N4BP2: variants seen among roughly 807,000 people sequenced by gnomAD.
N4BP2 encodes the protein NEDD4-binding protein 2.
N4BP2 carries 91 observed loss-of-function variants against 152.8 expected under a neutral mutation model. The observed-to-expected ratio is 0.60, with a 90% CI of 0.50 to 0.71. The LOEUF (loss-of-function observed/expected upper bound fraction) is 0.71. N4BP2 is among the 30% of genes least tolerant of loss of function. N4BP2 has a pLI of 0.00. For missense variants in N4BP2, 1,923 were observed against 2,059.1 expected, an observed-to-expected ratio of 0.93 and a Z score of 1.28; for synonymous variants, 646 against 705.3, an observed-to-expected ratio of 0.92 and a Z score of 1.33.
intron 2 of N4BP2, among the ~76,000 whole-genome samples, chr4:40,076,779 C>T (rs1425052685): frequency 2.0e-5 from 3 of 152,102 alleles, no homozygotes; most frequent in Non-Finnish European, 4.4e-5. Context: ...TGAGCCACCA[C>T]ACCCGGCCCA....
At chr4:40,089,074 C>T (rs1714277803) in intron 2 of N4BP2, among the ~76,000 whole-genome samples, 1 of 152,042 alleles carries the variant, frequency 6.6e-6, no homozygotes, top group Admixed American at 6.6e-5. Context: ...CCTTAGGCTC[C>T]TGAGTAACTG....
At chr4:40,104,529 TAATAAC>T (rs1355310184) in intron 4 of N4BP2, among the ~76,000 whole-genome samples, 2 of 152,162 alleles carry the variant, frequency 1.3e-5, no homozygotes, top group East Asian at 3.9e-4. Context: ...CTAACTGACT[TAATAAC>T]AACAACAACA....
chr4:40,126,304 A>G lies in N4BP2; in HGVS notation c.4501A>G (p.Ile1501Val). The change falls in exon 12 of 18, where the codon ATT (isoleucine) becomes GTT (valine). Residue 1501 changes from isoleucine (I) to valine (V), a missense_variant. By Grantham distance (29) the Ile-to-Val change is conservative. Coordinates refer to ENST00000261435, the MANE Select transcript of N4BP2 (RefSeq NM_018177.6). ...ACTCAGAGAAATAATGTCAGAAGAA[A>G]TTGCCTTACAGGAAAAACATAATTT... ...VSLREIMSEE[I>V]ALQEKHNLKR... 2 of 1,560,084 alleles carry G rather than the reference A, an allele frequency of 1.3e-6. No homozygotes were observed. The highest frequency in any genetic ancestry group is 1.7e-6 in the Non-Finnish European group (2 of 1,150,316).
intron 2 of N4BP2, chr4:40,082,987 A>C (rs1375548739): frequency 1.7e-5 from 4 of 235,014 alleles, no homozygotes; most frequent in African/African-American, 2.3e-5. Context: ...AGTGTGAGCC[A>C]CCGCACCCGG....
intron 2 of N4BP2, among the ~76,000 whole-genome samples, chr4:40,085,127 G>T (rs1330795457): frequency 6.6e-6 from 1 of 151,282 alleles, no homozygotes; most frequent in African/African-American, 2.4e-5. Flanking sequence ...TGGCCAGGCT[G>T]GTCTTGAACT....
intron 3 of N4BP2, among the ~76,000 whole-genome samples, chr4:40,099,347 A>G (rs139332057): frequency 5.3e-4 from 81 of 152,116 alleles, no homozygotes; most frequent in African/African-American, 1.9e-3. Context: ...AGTTAAAGTG[A>G]TTCTCCTGCC....
the N4BP2 span, among the ~76,000 whole-genome samples, chr4:40,188,950 G>A: frequency 6.6e-6 from 1 of 151,674 alleles, no homozygotes; most frequent in African/African-American, 2.4e-5. Context: ...TTTGAGACCA[G>A]CCTGGCCAAT....
rs190871545 is a variant in N4BP2, at chr4:40,074,195, A to G, written c.-115+644A>G. ...AACTTCCGTCTCCTGGGTTCATGCA[A>G]CTCTTCTGCCTCAGCCTCCCAAGTA... On this transcript the variant is annotated intron_variant, in intron 2 of 17. Coordinates refer to ENST00000261435, the MANE Select transcript of N4BP2 (RefSeq NM_018177.6). Among the ~76,000 whole-genome samples the G allele has an allele frequency of 1.7e-3, 261 of 150,946 alleles. 2 individuals carry two copies. Among genetic ancestry groups the G allele is most frequent in the African/African-American group, 6.1e-3 (249 of 41,010 alleles).
In N4BP2 at chr4:40,121,500, C is replaced by G; in HGVS notation, c.3389C>G (p.Thr1130Ser). 6.2e-7 allele frequency: 1 copy of G among 1,614,122 alleles called. No individual in the cohort carries two copies. The highest frequency in any genetic ancestry group is 8.5e-7 in the Non-Finnish European group (1 of 1,180,002). The change falls in exon 9 of 18, where the codon ACT becomes AGT. Residue 1130 changes from threonine (T) to serine (S), a missense_variant. Coordinates refer to ENST00000261435, the MANE Select transcript of N4BP2 (RefSeq NM_018177.6). ...WATSLLLDSETKLCEDTEFEN... is the reference protein window; with the variant it reads ...WATSLLLDSESKLCEDTEFEN... ...ACAAGCCTTTTGTTGGATTCTGAAA[C>G]TAAGTTATGTGAGGATACAGAGTTT...
intron 2 of N4BP2, among the ~76,000 whole-genome samples, chr4:40,082,249 C>G (rs1475756796): frequency 7.6e-6 from 1 of 131,580 alleles, no homozygotes; most frequent in East Asian, 2.2e-4. Context: ...GCACTCCAGC[C>G]TGGGCGACAG....
At chr4:40,165,437 T>C in the N4BP2 span, among the ~76,000 whole-genome samples, 1 of 152,086 alleles carries the variant, frequency 6.6e-6, no homozygotes, top group Non-Finnish European at 1.5e-5. Flanking sequence ...ATAGTAGAGA[T>C]GGGGTTTTGC....
the N4BP2 span, among the ~76,000 whole-genome samples, chr4:40,166,099 A>T: frequency 6.6e-6 from 1 of 152,140 alleles, no homozygotes; most frequent in Admixed American, 6.5e-5. Context: ...TTATCTACAC[A>T]ATAAGACAAT....
At chr4:40,109,892 C>T (rs1716707866) in intron 5 of N4BP2, among the ~76,000 whole-genome samples, 1 of 152,192 alleles carries the variant, frequency 6.6e-6, no homozygotes, top group African/African-American at 2.4e-5. Context: ...ATATTCAGGG[C>T]TGTGCATTCG....
chr4:40,081,131 A>G (rs1321038863), intron 2 of N4BP2, among the ~76,000 whole-genome samples: 1 of 152,178 alleles, frequency 6.6e-6, no homozygotes, highest in Non-Finnish European at 1.5e-5. Context: ...CCTTTAATTT[A>G]TAATAATGAT....
chr4:40,106,204 A>G (rs983321100), intron 4 of N4BP2, among the ~76,000 whole-genome samples: 1 of 152,256 alleles, frequency 6.6e-6, no homozygotes, highest in African/African-American at 2.4e-5. Flanking sequence ...ATTAATTTAC[A>G]TAAAGCAAAA....
At chr4:40,068,983 G>A (rs1201695595) in intron 1 of N4BP2, among the ~76,000 whole-genome samples, 1 of 151,564 alleles carries the variant, frequency 6.6e-6, no homozygotes, top group African/African-American at 2.4e-5. Context: ...AGCCGGGCAT[G>A]GTGGCGGGCG....
chr4:40,092,829 A>G (rs1388121107), intron 2 of N4BP2, among the ~76,000 whole-genome samples: 2 of 151,782 alleles, frequency 1.3e-5, no homozygotes, highest in African/African-American at 4.8e-5. Context: ...TTTTTAGTAG[A>G]GACGGGGTTT....
intron 2 of N4BP2, among the ~76,000 whole-genome samples, chr4:40,076,111 C>T (rs1253333314): frequency 6.6e-6 from 1 of 152,206 alleles, no homozygotes; most frequent in Admixed American, 6.6e-5. Flanking sequence ...GAGGTGTGAG[C>T]CATCATGCCT....
At chr4:40,074,870 G>A (rs1712568551) in intron 2 of N4BP2, among the ~76,000 whole-genome samples, 3 of 152,038 alleles carry the variant, frequency 2.0e-5, no homozygotes, top group Admixed American at 2.0e-4. Flanking sequence ...AGTGGGACAT[G>A]TTGGCATGCA....
Sources: gnomAD v4.1 joint callset for allele counts (sites outside exome capture counted in the v4.1 genomes callset) on GRCh38, gnomAD v4.1.1 for gene constraint, MANE v1.5 for transcripts, NCBI Gene and HGNC (gene_info 2026-07-23, HGNC 2026-07-21) for gene names.